Variants in XYLT1 observed in about 807,000 individuals in gnomAD.
XYLT1 encodes xylosyltransferase 1.
XYLT1 carries 36 observed loss-of-function variants against 91.3 expected under a neutral mutation model. The observed-to-expected ratio is 0.39, with a 90% CI of 0.30 to 0.52. The LOEUF (loss-of-function observed/expected upper bound fraction) is 0.52. Among genes scored for constraint, XYLT1 ranks in the 20% least tolerant of loss-of-function variants. The probability of loss-of-function intolerance (pLI) is 0.68; values close to 1 mark genes in which losing one functional copy is unlikely to be tolerated. For missense variants in XYLT1, 1,242 were observed against 1,284.5 expected, an observed-to-expected ratio of 0.97 and a Z score of 0.51; for synonymous variants, 588 against 532.0, an observed-to-expected ratio of 1.11 and a Z score of -1.45.
In XYLT1 at chr16:17,357,192, A is replaced by AAAC. The variant is rs1555499823; in HGVS notation, c.402+819_402+820insGTT. Among the ~76,000 whole-genome samples, 93 of 148,064 alleles carry AAAC rather than the reference A, an allele frequency of 6.3e-4. 3 individuals are homozygous for AAAC. Among genetic ancestry groups the AAAC allele is most frequent in the African/African-American group, 2.2e-3 (85 of 38,974 alleles). On this transcript the variant is annotated intron_variant, in intron 2 of 11. Coordinates refer to ENST00000261381, the MANE Select transcript of XYLT1 (RefSeq NM_022166.4). ...GGTCTCAAAAAAAAAAAAAAAAAAA[A>AAAC]AAAAAAACGCTACCACTCACAAGCA...
chr16:17,113,877 G>A (rs1966847088), intron 11 of XYLT1, among the ~76,000 whole-genome samples: 1 of 152,252 alleles, frequency 6.6e-6, no homozygotes, highest in African/African-American at 2.4e-5. Flanking sequence ...AGGTGAGGAA[G>A]AACTCATCCA....
At position 17,139,607 on chromosome 16, in the gene XYLT1, T is replaced by C. The variant is rs573769602; in HGVS notation, c.1588-1076A>G. Among the ~76,000 whole-genome samples, 8 of 152,238 alleles carry C rather than the reference T, an allele frequency of 5.3e-5. No individual in the cohort carries two copies. The South Asian group carries it at 1.2e-3, about 24-fold the overall frequency. ...CCTGTGACACTAAATGACAAGCCCA[T>C]GAACCTGGATTTTAAGCTTGAATTG... On this transcript the variant is annotated intron_variant, in intron 7 of 11. Coordinates refer to ENST00000261381, the MANE Select transcript of XYLT1 (RefSeq NM_022166.4).
chr16:17,468,670 A>T (rs1454188814), intron 1 of XYLT1, among the ~76,000 whole-genome samples: 1 of 152,102 alleles, frequency 6.6e-6, no homozygotes, highest in Non-Finnish European at 1.5e-5. Context: ...CTATGAAGAA[A>T]TCAGCTAGCC....
chr16:17,220,302 G>C (rs2032942877), intron 3 of XYLT1, among the ~76,000 whole-genome samples: 1 of 151,966 alleles, frequency 6.6e-6, no homozygotes, highest in South Asian at 2.1e-4. Context: ...AGGATTTGTT[G>C]AAACTGCCAT....
intron 2 of XYLT1, among the ~76,000 whole-genome samples, chr16:17,285,874 C>G (rs377756268): frequency 2.8e-4 from 41 of 145,260 alleles, no homozygotes; most frequent in African/African-American, 9.6e-4. Flanking sequence ...TGGTGTATCT[C>G]TGTGTGTGTG....
intron 3 of XYLT1, among the ~76,000 whole-genome samples, chr16:17,211,154 T>A (rs541993956): frequency 1.4e-4 from 22 of 152,276 alleles, no homozygotes; most frequent in Non-Finnish European, 2.5e-4. Context: ...AGGTGGAATG[T>A]GGATATGGCA....
chr16:17,464,525 A>T (rs959791772), intron 1 of XYLT1, among the ~76,000 whole-genome samples: 1 of 150,396 alleles, frequency 6.6e-6, no homozygotes, highest in Non-Finnish European at 1.5e-5. Context: ...AGAAGAGAAG[A>T]ATTTCAGTGT....
chr16:17,382,180 G>A (rs2035690880), intron 1 of XYLT1, among the ~76,000 whole-genome samples: 2 of 151,900 alleles, frequency 1.3e-5, no homozygotes, highest in Admixed American at 6.6e-5. Context: ...GCAAGAAGGG[G>A]CAAATGGAGA....
chr16:17,292,819 C>T (rs1427467532), intron 2 of XYLT1, among the ~76,000 whole-genome samples: 1 of 152,188 alleles, frequency 6.6e-6, no homozygotes, highest in Non-Finnish European at 1.5e-5. Context: ...AATACAGAGG[C>T]CACTTCCTCA....
chr16:17,382,800 C>T (rs1013527355), intron 1 of XYLT1, among the ~76,000 whole-genome samples: 14 of 151,862 alleles, frequency 9.2e-5, no homozygotes, highest in African/African-American at 3.1e-4. Context: ...CCAGACGTCT[C>T]GTGCAAGACA....
chr16:17,169,738 C>A (rs910834371), intron 5 of XYLT1, among the ~76,000 whole-genome samples: 1 of 152,164 alleles, frequency 6.6e-6, no homozygotes, highest in Non-Finnish European at 1.5e-5. Context: ...TATTTTGATT[C>A]TCTTAAGTCT....
intron 3 of XYLT1, among the ~76,000 whole-genome samples, chr16:17,201,798 A>G (rs565546630): frequency 9.0e-4 from 137 of 152,162 alleles, no homozygotes; most frequent in African/African-American, 3.1e-3. Flanking sequence ...TCTGTTACAC[A>G]GGAGACTAGA....
At chr16:17,460,573 G>A (rs955882492) in intron 1 of XYLT1, among the ~76,000 whole-genome samples, 1 of 152,118 alleles carries the variant, frequency 6.6e-6, no homozygotes, top group African/African-American at 2.4e-5. Flanking sequence ...TTCCAAATGG[G>A]CTGCAAACTC....
rs563435961 is a variant in XYLT1 at position 17,128,287 on chromosome 16, C to G, written c.2028-426G>C. On this transcript the variant is annotated intron_variant, in intron 9 of 11. Transcript: ENST00000261381. The stretch of plus-strand genomic sequence containing the variant: ...ACTACATAGTTGGCATCTATCTATC[C>G]TAGCTATTATTCTGTCTTCATTGTA... Among the ~76,000 whole-genome samples the G allele has an allele frequency of 5.3e-5, 8 of 152,280 alleles. No individual in the cohort carries two copies. The East Asian group carries it at 1.5e-3, about 29-fold the overall frequency.
chr16:17,331,960 C>T (rs1400756321), intron 2 of XYLT1, among the ~76,000 whole-genome samples: 3 of 152,340 alleles, frequency 2.0e-5, no homozygotes, highest in Admixed American at 2.0e-4. Flanking sequence ...GCCTGCCTAT[C>T]CCTGGAGAGT....
intron 2 of XYLT1, among the ~76,000 whole-genome samples, chr16:17,337,775 C>CTTTTCT (rs2035003990): frequency 1.8e-5 from 2 of 114,216 alleles, no homozygotes; most frequent in Non-Finnish European, 3.3e-5. Flanking sequence ...CACATTTTTT[C>CTTTTCT]TTTTTCTTTT....
At chr16:17,168,908 T>C (rs1421763762) in intron 5 of XYLT1, among the ~76,000 whole-genome samples, 1 of 152,200 alleles carries the variant, frequency 6.6e-6, no homozygotes, top group African/African-American at 2.4e-5. Context: ...TCCTTACCCC[T>C]TGGCAAGGCA....
intron 2 of XYLT1, among the ~76,000 whole-genome samples, chr16:17,333,942 G>A (rs371284482): frequency 8.5e-5 from 13 of 152,128 alleles, no homozygotes; most frequent in African/African-American, 2.2e-4. Context: ...TCCTTTAGGA[G>A]GTGATCAGGC....
At chr16:17,353,194 C>G (rs1046467255) in intron 2 of XYLT1, among the ~76,000 whole-genome samples, 3 of 152,164 alleles carry the variant, frequency 2.0e-5, no homozygotes, top group African/African-American at 7.2e-5. Flanking sequence ...TCAGCATAAA[C>G]GAAGACCTGC....
Sources: allele counts gnomAD v4.1 joint callset (sites outside exome capture counted in the v4.1 genomes callset), GRCh38; gene constraint gnomAD v4.1.1; transcripts MANE v1.5; gene names NCBI Gene and HGNC (gene_info 2026-07-23, HGNC 2026-07-21).